UBFD1: variants seen among roughly 807,000 people sequenced by gnomAD.
UBFD1 encodes ubiquitin domain-containing protein UBFD1.
In UBFD1, 12 loss-of-function variants were observed where a neutral mutation model predicts 35.1. That is an observed-to-expected ratio of 0.34 (90% CI 0.22 to 0.55). The LOEUF (loss-of-function observed/expected upper bound fraction) is 0.55. Among genes scored for constraint, UBFD1 ranks in the 20% least tolerant of loss-of-function variants. UBFD1 has a pLI of 0.89. For missense variants in UBFD1, 337 were observed against 410.8 expected, an observed-to-expected ratio of 0.82 and a Z score of 1.55; for synonymous variants, 178 against 167.6, an observed-to-expected ratio of 1.06 and a Z score of -0.48.
chr16:23,563,220 T>G (rs1441972829), intron 5 of UBFD1, among the ~76,000 whole-genome samples: 2 of 152,132 alleles, frequency 1.3e-5, no homozygotes, highest in Non-Finnish European at 2.9e-5. Context: ...CCCATTTATC[T>G]TAGAAGTAGC....
Position 23,557,787 on chromosome 16 carries a change from C to T in UBFD1, c.25+20C>T. On this transcript the variant is annotated intron_variant, in intron 1 of 6. Coordinates refer to ENST00000395878, the MANE Select transcript of UBFD1 (RefSeq NM_019116.3). ...CGGATGGTGAGTGCGGCGGGGGTGGCGGGCGCCGGGCCGGGGCTGAGGTTG... is the reference window on the plus strand; with the variant it reads ...CGGATGGTGAGTGCGGCGGGGGTGGTGGGCGCCGGGCCGGGGCTGAGGTTG... 14 of 1,271,972 alleles carry T rather than the reference C, an allele frequency of 1.1e-5. No individual in the cohort carries two copies. Among genetic ancestry groups the T allele is most frequent in the East Asian group, 9.4e-5 (3 of 31,842 alleles). 78.8% of individuals were successfully genotyped at this position (1,271,972 alleles called of 1,614,324 possible). A position where few individuals can be genotyped will look rare whatever the true frequency, so the allele number is the denominator to read the frequency against.
intron 5 of UBFD1, 177 bp from the exon 6 acceptor site, chr16:23,566,810 G>A (rs936543725): frequency 5.4e-6 from 3 of 557,804 alleles, no homozygotes; most frequent in East Asian, 5.8e-5. Flanking sequence ...GCTCCCACAC[G>A]AAGCCCTATG....
intron 5 of UBFD1, 56 bp downstream of exon 5, chr16:23,562,786 C>T: frequency 6.8e-7 from 1 of 1,471,420 alleles, no homozygotes; most frequent in African/African-American, 1.4e-5. Context: ...CACCCAGCAG[C>T]ACTCACATTT....
intron 4 of UBFD1, 131 bp downstream of exon 4, chr16:23,562,402 C>A: frequency 2.2e-6 from 2 of 926,162 alleles, no homozygotes; most frequent in Non-Finnish European, 3.2e-6. Flanking sequence ...TGCTCTGTCA[C>A]CCAGGCTGGG....
intron 5 of UBFD1, 125 bp from the exon 6 acceptor site, chr16:23,566,862 A>C: frequency 7.1e-5 from 57 of 799,644 alleles, no homozygotes; most frequent in Middle Eastern, 2.5e-4. Context: ...CCCAGAGGGC[A>C]TGGCGCCAGT....
chr16:23,560,031 A>G (rs1597037437), intron 3 of UBFD1: 1 of 329,448 alleles, frequency 3.0e-6, no homozygotes, highest in East Asian at 1.7e-4. Context: ...AAGTGCTTAC[A>G]TTTGGCTTTT....
Position 23,558,043 on chromosome 16 carries a change from CG to C in UBFD1, c.124del (p.Ala42ArgfsTer47). ...PVNCLEAEAA[A>X]GAAAEDSGAA... Reference sequence around the variant, plus strand: ...AACTGCCTGGAGGCTGAAGCCGCGGCGGGGGCGGCGGCCGAGGACTCCGGCG... The same window carrying C: ...AACTGCCTGGAGGCTGAAGCCGCGGCGGGGCGGCGGCCGAGGACTCCGGCG... On this transcript the variant is annotated frameshift_variant, in exon 2 of 7. Transcript: ENST00000395878. LOFTEE classifies it high-confidence loss of function. The C allele has an allele frequency of 7.5e-7, 1 of 1,338,712 alleles. No homozygotes were observed. Among genetic ancestry groups the C allele is most frequent in the Non-Finnish European group, 9.5e-7 (1 of 1,048,474 alleles). 82.9% of individuals were successfully genotyped at this position (1,338,712 alleles called of 1,614,324 possible). A position where few individuals can be genotyped will look rare whatever the true frequency, so the allele number is the denominator to read the frequency against.
intron 3 of UBFD1, chr16:23,560,006 G>A (rs997676345): frequency 6.9e-6 from 6 of 866,618 alleles, no homozygotes; most frequent in African/African-American, 3.4e-5. Context: ...CTAGAAGTAA[G>A]CCCTCATTTT....
In UBFD1 at chr16:23,557,763, G is replaced by C. The variant is rs971307835; in HGVS notation, c.21G>C (p.Pro7=). The change falls in exon 1 of 7, where the codon CCG becomes CCC. Residue 7 remains proline, a synonymous_variant. Coordinates refer to ENST00000395878, the MANE Select transcript of UBFD1 (RefSeq NM_019116.3). MAAAGA[P]DGMEEPGMDT... ...TCATCATGGCGGCGGCCGGGGCCCC[G>C]GATGGTGAGTGCGGCGGGGGTGGCG... is the stretch of plus-strand genomic sequence containing the variant. 1 of 1,299,334 alleles carries C rather than the reference G, an allele frequency of 7.7e-7. No individual in the cohort carries two copies. Among genetic ancestry groups the C allele is most frequent in the Non-Finnish European group, 9.8e-7 (1 of 1,023,412 alleles). 80.5% of individuals were successfully genotyped at this position (1,299,334 alleles called of 1,614,324 possible). A position where few individuals can be genotyped will look rare whatever the true frequency, so the allele number is the denominator to read the frequency against.
At chr16:23,563,229 GCCAGCTTTGTTCATTTGTCA>G (rs1159607779) in intron 5 of UBFD1, among the ~76,000 whole-genome samples, 2 of 152,242 alleles carry the variant, frequency 1.3e-5, no homozygotes, top group Non-Finnish European at 1.5e-5. Context: ...CTTAGAAGTA[GCCAGCTTTGTTCATTTGTCA>G]CCTGCCTGGC....
chr16:23,557,792 G>A, intron 1 of UBFD1, 25 bp downstream of exon 1: 1 of 1,273,146 alleles, frequency 7.9e-7, no homozygotes, highest in South Asian at 3.3e-5. Flanking sequence ...GGTGGCGGGC[G>A]CCGGGCCGGG....
At chr16:23,562,045 T>TATA in intron 3 of UBFD1, 161 bp from the exon 4 acceptor site, 1 of 615,676 alleles carries the variant, frequency 1.6e-6, no homozygotes. Flanking sequence ...AAAGTTCTGC[T>TATA]GGACAGCACT....
chr16:23,558,184 A>G lies in UBFD1; in HGVS notation c.260A>G (p.Asp87Gly), dbSNP rs1390273114. The change falls in exon 2 of 7, where the codon GAC becomes GGC. Residue 87 changes from aspartate (D) to glycine (G), a missense_variant. Physicochemically the swap from Asp to Gly is moderately conservative, Grantham distance 94 (BLOSUM62 -1). Transcript: ENST00000395878. The part of the protein sequence containing the change: ...AGGGAGRELV[D>G]LKIIWNKTKH... ...GGCGGCGCGGGCAGGGAGCTGGTGG[A>G]CTTGAAGATCATCTGGAATAAGACC... is the stretch of plus-strand genomic sequence containing the variant. The G allele has an allele frequency of 6.2e-7, 1 of 1,607,926 alleles. No homozygotes were observed. Among genetic ancestry groups the G allele is most frequent in the East Asian group, 2.3e-5 (1 of 44,096 alleles).
At chr16:23,560,785 G>A (rs1245929324) in intron 3 of UBFD1, among the ~76,000 whole-genome samples, 1 of 152,048 alleles carries the variant, frequency 6.6e-6, no homozygotes, top group Non-Finnish European at 1.5e-5. Context: ...TCAGATAAGG[G>A]GTTATAAACC....
chr16:23,568,144 C>G (rs1966035513), intron 6 of UBFD1, among the ~76,000 whole-genome samples: 1 of 150,636 alleles, frequency 6.6e-6, no homozygotes, highest in African/African-American at 2.4e-5. Context: ...TCCACCCCTA[C>G]TCTCTCTGTA....
intron 2 of UBFD1, among the ~76,000 whole-genome samples, chr16:23,558,783 ATTT>A (rs5816218): frequency 1.5e-5 from 2 of 136,970 alleles, no homozygotes; most frequent in Non-Finnish European, 1.6e-5. Flanking sequence ...TCTTTTTCCT[ATTT>A]TTTTTTTTTT....
chr16:23,571,336 G>T lies in UBFD1; in HGVS notation c.*746G>T, dbSNP rs1218784384. 6.5e-6 allele frequency: 1 copy of T among 152,696 alleles called. No individual in the cohort carries two copies. Among genetic ancestry groups the T allele is most frequent in the Non-Finnish European group, 1.5e-5 (1 of 68,072 alleles). 9.5% of individuals were successfully genotyped at this position (152,696 alleles called of 1,614,324 possible). On this transcript the variant is annotated 3_prime_UTR_variant, in exon 7 of 7. Coordinates refer to ENST00000395878, the MANE Select transcript of UBFD1 (RefSeq NM_019116.3). ...CACTTGCTGTGGTGTTCGTTGAGCA[G>T]CAGAGTATCTCCCAGTGACTCCTGT...
At chr16:23,559,326 T>C (rs1965893383) in intron 2 of UBFD1, 142 bp from the exon 3 acceptor site, 1 of 683,004 alleles carries the variant, frequency 1.5e-6, no homozygotes, top group South Asian at 1.9e-5. Flanking sequence ...GGTTCAGAGG[T>C]TGTAAATCTC....
intron 3 of UBFD1, among the ~76,000 whole-genome samples, chr16:23,560,915 A>G (rs1340081040): frequency 6.6e-6 from 1 of 152,190 alleles, no homozygotes; most frequent in Non-Finnish European, 1.5e-5. Flanking sequence ...ACATGTATGA[A>G]ATAGTGAAAT....
Sources: allele counts gnomAD v4.1 joint callset (sites outside exome capture counted in the v4.1 genomes callset), GRCh38; gene constraint gnomAD v4.1.1; transcripts MANE v1.5; gene names NCBI Gene and HGNC (gene_info 2026-07-23, HGNC 2026-07-21).